The following PCDHGB4 variants were observed in gnomAD, a reference collection of about 807,000 sequenced individuals.
PCDHGB4 encodes the protein protocadherin gamma subfamily B, 4.
A neutral mutation model predicts 60.5 loss-of-function variants in PCDHGB4; 38 were observed. The ratio of observed to expected loss-of-function variants is 0.63; its 90% CI spans 0.48 to 0.82. The LOEUF (loss-of-function observed/expected upper bound fraction) is 0.82, where lower values mean the gene tolerates loss of function less well. PCDHGB4 is among the 40% of genes least tolerant of loss of function. The pLI is 0.00. For synonymous variants in PCDHGB4, 456 were observed against 509.7 expected, an observed-to-expected ratio of 0.89 and a Z score of 1.42; for missense variants, 1,109 against 1,209.6, an observed-to-expected ratio of 0.92 and a Z score of 1.23.
At position 141,490,027 on chromosome 5, in the gene PCDHGB4, C is replaced by T. The variant is rs767829552; in HGVS notation, c.2398-4780C>T. Reference sequence around the variant, plus strand: ...TGCACCCATTGGTACTCTGCTGCTCCGCCTCAATGCCACTGATCCAGACGA... The same window carrying T: ...TGCACCCATTGGTACTCTGCTGCTCTGCCTCAATGCCACTGATCCAGACGA... On this transcript the variant is annotated intron_variant, in intron 1 of 3. Coordinates refer to ENST00000519479, the MANE Select transcript of PCDHGB4 (RefSeq NM_003736.4). This position sits in a 1 kb window ranked among gnomAD's most constrained non-coding sequence, Gnocchi z 5.4. The T allele has an allele frequency of 2.4e-5, 39 of 1,614,096 alleles. No homozygotes were observed. The highest frequency in any genetic ancestry group is 4.0e-5 in the African/African-American group (3 of 74,942).
intron 1 of PCDHGB4, among the ~76,000 whole-genome samples, chr5:141,406,468 T>C (rs2094813433): frequency 6.6e-6 from 1 of 152,230 alleles, no homozygotes; most frequent in Admixed American, 6.5e-5. Flanking sequence ...AACACCTCTT[T>C]GAGGTTATAT....
At chr5:141,434,223 A>G (rs1164673241) in intron 1 of PCDHGB4, among the ~76,000 whole-genome samples, 1 of 152,214 alleles carries the variant, frequency 6.6e-6, no homozygotes, top group Non-Finnish European at 1.5e-5. Context: ...TAAACAAAGT[A>G]CGATTTCTGG....
Position 141,388,774 on chromosome 5 carries a change from G to A in PCDHGB4, c.890G>A (p.Gly297Glu). Residue 297 changes from glycine (G) to glutamate (E), a missense_variant, in exon 1 of 4, where the codon GGG (glycine) becomes GAG (glutamate). By Grantham distance (98) the Gly-to-Glu change is moderately conservative. Around this residue, in one of 2 missense-constraint regions of PCDHGB4, gnomAD observed 1,068 missense variants for 1,089.9 expected, o/e 0.98. Coordinates refer to ENST00000519479, the MANE Select transcript of PCDHGB4 (RefSeq NM_003736.4). ...CAATTTGACCTGAACTCTAACACCG[G>A]GGAAATTACTGTTTTAAATACATTA... ...ITQFDLNSNT[G>E]EITVLNTLDF... The A allele has an allele frequency of 3.1e-6, 5 of 1,613,878 alleles. No individual in the cohort carries two copies. Among genetic ancestry groups the A allele is most frequent in the Non-Finnish European group, 4.2e-6 (5 of 1,179,850 alleles).
At chr5:141,502,866 C>CTTT (rs549047197) in intron 2 of PCDHGB4, among the ~76,000 whole-genome samples, 3 of 128,046 alleles carry the variant, frequency 2.3e-5, no homozygotes, top group African/African-American at 9.3e-5. Context: ...GACTCTCTGT[C>CTTT]TTTTTTTTTT....
In PCDHGB4 at chr5:141,486,036, G is replaced by A. The variant is rs773301300; in HGVS notation, c.2398-8771G>A. ...TATTTCAGTGGTCATACCCCTGATC[G>A]TGTAAGAAACCTCTTTAGCCTGCAC... On this transcript the variant is annotated intron_variant, in intron 1 of 3. Transcript: ENST00000519479. This position sits in a 1 kb window ranked among gnomAD's most constrained non-coding sequence, Gnocchi z 5.0. 2.5e-6 allele frequency: 4 copies of A among 1,614,048 alleles called. No individual in the cohort carries two copies. Among genetic ancestry groups the A allele is most frequent in the Admixed American group, 1.7e-5 (1 of 60,004 alleles).
At chr5:141,426,586 G>A (rs2096944939) in intron 1 of PCDHGB4, 1 of 363,442 alleles carries the variant, frequency 2.8e-6, no homozygotes, top group African/African-American at 2.1e-5. Flanking sequence ...AAAATCCTCT[G>A]TGTCATACCC....
rs777990962 is a variant in PCDHGB4, at chr5:141,431,580, A to T, written c.2397+41299A>T. ...GCTACCGACCCTGACGAAGGAGTCA[A>T]TGCGGAAGTGAGGTATTCCTTCCGG... is the stretch of plus-strand genomic sequence containing the variant. On this transcript the variant is annotated intron_variant, in intron 1 of 3. Coordinates refer to ENST00000519479, the MANE Select transcript of PCDHGB4 (RefSeq NM_003736.4). The surrounding 1 kb of genome is among the most constrained non-coding windows in gnomAD (Gnocchi z 4.8). The T allele has an allele frequency of 6.2e-7, 1 of 1,614,216 alleles. No individual in the cohort carries two copies.
At position 141,431,368 on chromosome 5, in the gene PCDHGB4, A is replaced by G; in HGVS notation, c.2397+41087A>G. On this transcript the variant is annotated intron_variant, in intron 1 of 3. Coordinates refer to ENST00000519479, the MANE Select transcript of PCDHGB4 (RefSeq NM_003736.4). The surrounding 1 kb of genome is among the most constrained non-coding windows in gnomAD (Gnocchi z 4.8). ...TGCTGAAACGCGCCCTGGACCGCGA[A>G]GAAAAGGCTGCTCACCACCTGGTCC... 1.9e-6 allele frequency: 3 copies of G among 1,614,002 alleles called. No individual in the cohort carries two copies. The highest frequency in any genetic ancestry group is 2.5e-6 in the Non-Finnish European group (3 of 1,180,034).
Position 141,511,225 on chromosome 5 carries a change from C to T in PCDHGB4, c.*52C>T, listed in dbSNP as rs2099883678. On this transcript the variant is annotated 3_prime_UTR_variant, in exon 4 of 4. Transcript: ENST00000519479. Reference sequence around the variant, plus strand: ...GGCGGCCTCTCCCCAACCAGCCCAGCTTCTCCTTACCTGCACCCAGGCCTC... The same window carrying T: ...GGCGGCCTCTCCCCAACCAGCCCAGTTTCTCCTTACCTGCACCCAGGCCTC... 1.9e-6 allele frequency: 3 copies of T among 1,601,506 alleles called. No individual in the cohort carries two copies. Among genetic ancestry groups the T allele is most frequent in the Non-Finnish European group, 2.6e-6 (3 of 1,174,170 alleles).
In PCDHGB4 at chr5:141,410,693, A is replaced by AT. The variant is rs774266569; in HGVS notation, c.2397+20416dup. On this transcript the variant is annotated intron_variant, in intron 1 of 3. Coordinates refer to ENST00000519479, the MANE Select transcript of PCDHGB4 (RefSeq NM_003736.4). ...TCTCATATTTTAGGCATACTACTTT[A>AT]TTTTCATATCTAGAATCATATGTTT... The AT allele has an allele frequency of 1.1e-5, 17 of 1,496,786 alleles. No homozygotes were observed. In the Admixed American group the frequency reaches 3.7e-4, roughly 33 times the overall value. The allele number at this position is 1,496,786 out of a possible 1,614,324, so 92.7% of individuals were successfully genotyped here.
Position 141,431,706 on chromosome 5 carries a change from A to T in PCDHGB4, c.2397+41425A>T. The T allele has an allele frequency of 6.2e-7, 1 of 1,614,248 alleles. No homozygotes were observed. The highest frequency in any genetic ancestry group is 8.5e-7 in the Non-Finnish European group (1 of 1,180,048). On this transcript the variant is annotated intron_variant, in intron 1 of 3. Coordinates refer to ENST00000519479, the MANE Select transcript of PCDHGB4 (RefSeq NM_003736.4). The surrounding 1 kb of genome is among the most constrained non-coding windows in gnomAD (Gnocchi z 4.8). ...GACCACGAGGAGTCAGGATTCTACC[A>T]GATGGAAGTGCAAGCAATGGATAAT...
chr5:141,426,766 T>C (rs2096958771), intron 1 of PCDHGB4: 1 of 456,532 alleles, frequency 2.2e-6, no homozygotes, highest in South Asian at 1.5e-5. Flanking sequence ...GATGCAGATG[T>C]AGGGCCTCAC....
intron 1 of PCDHGB4, among the ~76,000 whole-genome samples, chr5:141,452,375 G>A (rs1239059045): frequency 2.0e-5 from 3 of 152,194 alleles, no homozygotes; most frequent in African/African-American, 7.2e-5. Context: ...TTTTAGTAGG[G>A]AATAGTATTT....
intron 1 of PCDHGB4, chr5:141,414,150 A>C (rs750190499): frequency 6.2e-7 from 1 of 1,600,176 alleles, no homozygotes; most frequent in African/African-American, 1.3e-5. Context: ...AAATACAAGC[A>C]GAAGATGGAG....
rs754433753 is a variant in PCDHGB4 at position 141,399,914 on chromosome 5, A to G, written c.2397+9633A>G. On this transcript the variant is annotated intron_variant, in intron 1 of 3. Transcript: ENST00000519479. ...GTGGCCGTGGACGCAGACTCAGGACACAACGCCTGGCTGTCCTACCACGTG... is the reference window on the plus strand; with the variant it reads ...GTGGCCGTGGACGCAGACTCAGGACGCAACGCCTGGCTGTCCTACCACGTG... The G allele has an allele frequency of 2.7e-5, 44 of 1,612,236 alleles. No homozygotes were observed. In the Admixed American group the frequency reaches 7.3e-4, roughly 27 times the overall value.
At chr5:141,420,259 G>A (rs775335307) in intron 1 of PCDHGB4, 8 of 1,564,678 alleles carry the variant, frequency 5.1e-6, no homozygotes, top group Non-Finnish European at 6.9e-6. Context: ...AAGCAGATAA[G>A]AAGATTCTTA....
chr5:141,421,380 G>A, intron 1 of PCDHGB4: 1 of 1,614,064 alleles, frequency 6.2e-7, no homozygotes, highest in Non-Finnish European at 8.5e-7. Context: ...ATATCTCCAA[G>A]GACCTGGGGC....
In PCDHGB4 at chr5:141,398,686, G is replaced by A. The variant is rs2093688431; in HGVS notation, c.2397+8405G>A. On this transcript the variant is annotated intron_variant, in intron 1 of 3. Coordinates refer to ENST00000519479, the MANE Select transcript of PCDHGB4 (RefSeq NM_003736.4). ...CTCATTAATAATTAAGGAGAAACAG[G>A]ATGGTAGTAAATACCCGGAACTGGC... 3 of 1,613,920 alleles carry A rather than the reference G, an allele frequency of 1.9e-6. No individual in the cohort carries two copies. The East Asian group carries it at 6.7e-5, about 36-fold the overall frequency.
chr5:141,434,253 G>C (rs979768901), intron 1 of PCDHGB4, among the ~76,000 whole-genome samples: 9 of 152,198 alleles, frequency 5.9e-5, no homozygotes, highest in Non-Finnish European at 1.3e-4. Flanking sequence ...CTTGGGCATT[G>C]TGGGGGAGGT....
Sources: allele counts gnomAD v4.1 joint callset (sites outside exome capture counted in the v4.1 genomes callset), GRCh38; gene constraint gnomAD v4.1.1; regional missense constraint gnomAD v4.1.1; non-coding constraint Gnocchi (gnomAD v3.1); transcripts MANE v1.5; gene names NCBI Gene and HGNC (gene_info 2026-07-23, HGNC 2026-07-21).